The following CDH12 variants were observed in gnomAD, a reference collection of about 807,000 sequenced individuals.
CDH12 encodes the protein cadherin 12, also known as cadherin-12.
A neutral mutation model predicts 74.1 loss-of-function variants in CDH12; 41 were observed. The observed-to-expected ratio is 0.55, with a 90% CI of 0.43 to 0.72. The LOEUF (loss-of-function observed/expected upper bound fraction) is 0.72, where lower values mean the gene tolerates loss of function less well. CDH12 is among the 30% of genes least tolerant of loss of function. CDH12 has a pLI of 0.00. For missense variants in CDH12, 945 were observed against 977.2 expected, an observed-to-expected ratio of 0.97 and a Z score of 0.44; for synonymous variants, 399 against 355.0, an observed-to-expected ratio of 1.12 and a Z score of -1.39.
chr5:22,437,934 T>C (rs1264387134), intron 2 of CDH12, among the ~76,000 whole-genome samples: 1 of 152,084 alleles, frequency 6.6e-6, no homozygotes, highest in Non-Finnish European at 1.5e-5. Context: ...CATAAAATCA[T>C]CTTTTATTTT....
At chr5:22,613,571 C>T (rs1737526108) in intron 1 of CDH12, among the ~76,000 whole-genome samples, 1 of 152,046 alleles carries the variant, frequency 6.6e-6, no homozygotes, top group South Asian at 2.1e-4. Flanking sequence ...TGAAAATATT[C>T]AGTACAGATT....
chr5:22,047,875 TCA>T (rs1462974886), intron 5 of CDH12, among the ~76,000 whole-genome samples: 1 of 152,202 alleles, frequency 6.6e-6, no homozygotes, highest in African/African-American at 2.4e-5. Flanking sequence ...TGTGAGATGG[TCA>T]CACAGAGACT....
rs183877484 is a variant in CDH12 at position 22,811,063 on chromosome 5, G to A, written c.-523+41995C>T. 6.7e-5 allele frequency among the ~76,000 whole-genome samples: 10 copies of A among 150,080 alleles called. No individual in the cohort carries two copies. The East Asian group carries it at 1.4e-3, about 21-fold the overall frequency. On this transcript the variant is annotated intron_variant, in intron 1 of 14. Transcript: ENST00000382254. ...TATATACATACATACACATATATAC[G>A]TATATGTATACATACATATATACAC...
At chr5:22,430,769 A>C (rs548244239) in intron 2 of CDH12, among the ~76,000 whole-genome samples, 2 of 152,316 alleles carry the variant, frequency 1.3e-5, no homozygotes, top group African/African-American at 4.8e-5. Flanking sequence ...TGGAACAGCC[A>C]GTGATGATTT....
intron 2 of CDH12, among the ~76,000 whole-genome samples, chr5:22,472,639 A>C (rs930929820): frequency 6.6e-6 from 1 of 152,216 alleles, no homozygotes; most frequent in East Asian, 1.9e-4. Flanking sequence ...AAAAAAATCT[A>C]TTATACTGTG....
intron 3 of CDH12, among the ~76,000 whole-genome samples, chr5:22,343,323 C>CAGAGAGAGAGAG (rs377016972): frequency 0.014 from 1,961 of 136,270 alleles, 64 homozygotes; most frequent in African/African-American, 0.054. Context: ...GACACACACA[C>CAGAGAGAGAGAG]AGAGAGAGAG....
chr5:22,300,399 A>T (rs1332099136), intron 3 of CDH12, among the ~76,000 whole-genome samples: 1 of 151,010 alleles, frequency 6.6e-6, no homozygotes, highest in Non-Finnish European at 1.5e-5. Context: ...AGGAAAGCGG[A>T]TGTTTCTTCC....
chr5:22,257,181 G>A (rs553192272), intron 3 of CDH12, among the ~76,000 whole-genome samples: 31 of 152,258 alleles, frequency 2.0e-4, no homozygotes, highest in African/African-American at 7.0e-4. Flanking sequence ...AGAAAGTGCA[G>A]AGTAAGAGGA....
intron 8 of CDH12, among the ~76,000 whole-genome samples, chr5:21,823,686 C>T (rs575940000): frequency 6.6e-6 from 1 of 151,110 alleles, no homozygotes; most frequent in South Asian, 2.1e-4. Flanking sequence ...ATCTACTGTC[C>T]TTAAATATCT....
intron 1 of CDH12, among the ~76,000 whole-genome samples, chr5:22,788,357 C>T (rs1747745250): frequency 4.0e-5 from 6 of 151,440 alleles, no homozygotes; most frequent in African/African-American, 9.7e-5. Context: ...TTATATGCAC[C>T]TTTATTTGCT....
intron 2 of CDH12, among the ~76,000 whole-genome samples, chr5:22,495,472 C>T (rs185807813): frequency 1.2e-4 from 18 of 152,154 alleles, no homozygotes; most frequent in African/African-American, 4.3e-4. Context: ...TTATTGTATC[C>T]AAGGACCTTA....
chr5:22,578,301 G>T (rs1270306055), intron 1 of CDH12, among the ~76,000 whole-genome samples: 1 of 151,546 alleles, frequency 6.6e-6, no homozygotes, highest in Non-Finnish European at 1.5e-5. Context: ...GTTCCAAAAG[G>T]GGTATAAAAT....
chr5:22,540,192 CAT>C (rs1382125286), intron 1 of CDH12, among the ~76,000 whole-genome samples: 2 of 151,768 alleles, frequency 1.3e-5, no homozygotes, highest in Non-Finnish European at 2.9e-5. Flanking sequence ...TAAATATATT[CAT>C]ATATGTCTCA....
intron 10 of CDH12, among the ~76,000 whole-genome samples, chr5:21,795,875 C>T (rs998401465): frequency 2.0e-5 from 3 of 151,814 alleles, no homozygotes; most frequent in Non-Finnish European, 2.9e-5. Context: ...CTTTCTTAAT[C>T]GAGAGTTTCT....
intron 5 of CDH12, among the ~76,000 whole-genome samples, chr5:22,021,706 G>C (rs1737990405): frequency 6.6e-6 from 1 of 152,078 alleles, no homozygotes. Flanking sequence ...ATTGGAATAG[G>C]GTGAGTTAAT....
intron 5 of CDH12, among the ~76,000 whole-genome samples, chr5:22,018,600 G>A (rs1339378413): frequency 6.6e-6 from 1 of 152,094 alleles, no homozygotes; most frequent in African/African-American, 2.4e-5. Context: ...ATTACACCTT[G>A]GATAAAGTAG....
chr5:22,437,554 T>TAAATAAAC lies in CDH12; in HGVS notation c.-427-32204_-427-32203insGTTTATTT, dbSNP rs1744455606. Among the ~76,000 whole-genome samples, 3 of 150,922 alleles carry TAAATAAAC rather than the reference T, an allele frequency of 2.0e-5. No individual in the cohort carries two copies. The Admixed American group carries it at 2.0e-4, about 10-fold the overall frequency. ...AGCCAAGTCAGCAATTTAAAAATAA[T>TAAATAAAC]AAATAAATAAATAAATAAAAATAAT... On this transcript the variant is annotated intron_variant, in intron 2 of 14. Coordinates refer to ENST00000382254, the MANE Select transcript of CDH12 (RefSeq NM_004061.5).
rs145297878 is a variant in CDH12, at chr5:22,353,406, T to C, written c.-333+51851A>G. Among the ~76,000 whole-genome samples the C allele has an allele frequency of 9.0e-3, 1,377 of 152,260 alleles. 22 individuals are homozygous for C. Among genetic ancestry groups the C allele is most frequent in the African/African-American group, 0.031 (1,300 of 41,534 alleles). On this transcript the variant is annotated intron_variant, in intron 3 of 14. Transcript: ENST00000382254. ...GTTTTCCCACATTTAACAATTCTAA[T>C]TTATGGGAAGAAATATTAATACACG...
At chr5:22,044,672 C>G (rs1392269727) in intron 5 of CDH12, among the ~76,000 whole-genome samples, 2 of 152,176 alleles carry the variant, frequency 1.3e-5, no homozygotes, top group African/African-American at 4.8e-5. Flanking sequence ...GTATAGCCAA[C>G]TGATTTTTGA....
Sources: allele counts gnomAD v4.1 joint callset (sites outside exome capture counted in the v4.1 genomes callset), GRCh38; gene constraint gnomAD v4.1.1; transcripts MANE v1.5; gene names NCBI Gene and HGNC (gene_info 2026-07-23, HGNC 2026-07-21).